Variants in RUNX1 observed in about 807,000 individuals in gnomAD.
The protein encoded by RUNX1 is RUNX family transcription factor 1, also known as runt-related transcription factor 1.
Under a neutral mutation model 42.8 loss-of-function variants are expected in RUNX1, and 19 were observed. The ratio of observed to expected loss-of-function variants is 0.44; its 90% CI spans 0.31 to 0.65. The LOEUF (loss-of-function observed/expected upper bound fraction) is 0.65. Ranked by LOEUF, RUNX1 falls within the 30% of genes least tolerant of loss-of-function variation. RUNX1 has a pLI of 0.07. For missense variants in RUNX1, 528 were observed against 672.0 expected, an observed-to-expected ratio of 0.79 and a Z score of 2.37; for synonymous variants, 271 against 289.4, an observed-to-expected ratio of 0.94 and a Z score of 0.64.
rs1201995651 is a variant in RUNX1 at position 34,846,194 on chromosome 21, C to CTTCTTTTTTTTTT, written c.614-11594_614-11593insAAAAAAAAAAGAA. On this transcript the variant is annotated intron_variant, in intron 6 of 8. Transcript: ENST00000675419. ...GAGTACTTTGTGGGTTTAAGGATGT[C>CTTCTTTTTTTTTT]TTTTTTTTTTTTTTTTTTTTTCAAA... 8.3e-3 allele frequency among the ~76,000 whole-genome samples: 848 copies of CTTCTTTTTTTTTT among 102,088 alleles called. 14 individuals carry two copies. The highest frequency in any genetic ancestry group is 0.013 in the Non-Finnish European group (677 of 50,344). The allele number at this position is 102,088 out of a possible 152,430, so 67.0% of individuals were successfully genotyped here.
At chr21:34,876,111 T>A (rs2057809424) in intron 5 of RUNX1, among the ~76,000 whole-genome samples, 1 of 152,222 alleles carries the variant, frequency 6.6e-6, no homozygotes, top group Non-Finnish European at 1.5e-5. Context: ...AACGCCATCC[T>A]GACAGGCCAC....
chr21:34,866,123 C>T (rs529262621), intron 5 of RUNX1, among the ~76,000 whole-genome samples: 8 of 152,236 alleles, frequency 5.3e-5, no homozygotes, highest in Admixed American at 2.6e-4. Context: ...GGGACAGTTT[C>T]AGGGGATGTG....
At chr21:34,876,563 G>A (rs773582972) in intron 5 of RUNX1, among the ~76,000 whole-genome samples, 1 of 151,972 alleles carries the variant, frequency 6.6e-6, no homozygotes, top group African/African-American at 2.4e-5. Flanking sequence ...AAGTGAACAC[G>A]TGCATTTTTT....
chr21:34,887,397 C>T (rs1336149900), intron 3 of RUNX1: 5 of 1,398,022 alleles, frequency 3.6e-6, no homozygotes, highest in African/African-American at 2.9e-5. Flanking sequence ...CTATCTTCCA[C>T]GAATCTTGCT....
rs558410967 is a variant in RUNX1 at position 34,792,626 on chromosome 21, G to A, written c.968-16C>T. 5.2e-4 allele frequency: 823 copies of A among 1,568,804 alleles called. No individual in the cohort carries two copies. The highest frequency in any genetic ancestry group is 6.7e-4 in the Non-Finnish European group (778 of 1,157,426). ...TCGGGTGCCGCTGCAGGGCGGGCAA[G>A]AGAACGGAGCGGAAGTGAGTAGGAG... On this transcript the variant is annotated splice_polypyrimidine_tract_variant and intron_variant, in intron 8 of 8. Coordinates refer to ENST00000675419, the MANE Select transcript of RUNX1 (RefSeq NM_001754.5). This position sits in a 1 kb window ranked among gnomAD's most constrained non-coding sequence, Gnocchi z 6.9.
intron 2 of RUNX1, among the ~76,000 whole-genome samples, chr21:35,008,903 G>A (rs573750365): frequency 6.6e-6 from 1 of 152,228 alleles, no homozygotes; most frequent in East Asian, 1.9e-4. Context: ...TGATCCAAAG[G>A]GAAGAAAGGT....
chr21:34,995,028 G>T (rs1042995721), intron 2 of RUNX1, among the ~76,000 whole-genome samples: 1 of 152,218 alleles, frequency 6.6e-6, no homozygotes. Flanking sequence ...AATCAGCCCC[G>T]CATGGACACC....
intron 2 of RUNX1, among the ~76,000 whole-genome samples, chr21:35,001,940 G>A (rs1199118037): frequency 6.6e-6 from 1 of 151,750 alleles, no homozygotes. Context: ...TAAACAAGGA[G>A]GCAAAAGACT....
chr21:34,997,915 A>G (rs2059009289), intron 2 of RUNX1, among the ~76,000 whole-genome samples: 1 of 152,188 alleles, frequency 6.6e-6, no homozygotes, highest in South Asian at 2.1e-4. Flanking sequence ...GCATGTGGAA[A>G]GAAGGTTCTG....
intron 4 of RUNX1, among the ~76,000 whole-genome samples, chr21:34,886,227 G>A (rs1161006151): frequency 6.6e-6 from 1 of 152,186 alleles, no homozygotes; most frequent in East Asian, 1.9e-4. Flanking sequence ...TTCGATACTT[G>A]CGGCTTCTGG....
At chr21:34,873,900 C>G (rs549774885) in intron 5 of RUNX1, among the ~76,000 whole-genome samples, 1 of 152,228 alleles carries the variant, frequency 6.6e-6, no homozygotes, top group Non-Finnish European at 1.5e-5. Flanking sequence ...TAAATACAGA[C>G]GTTGAAGTGC....
At chr21:34,978,042 A>G (rs2058816422) in intron 2 of RUNX1, among the ~76,000 whole-genome samples, 3 of 151,576 alleles carry the variant, frequency 2.0e-5, no homozygotes, top group South Asian at 4.2e-4. Context: ...TGCTTCAGCC[A>G]TTCTCCTGCC....
chr21:34,794,703 GTA>G (rs140322925), intron 8 of RUNX1, among the ~76,000 whole-genome samples: 159 of 152,272 alleles, frequency 1.0e-3, no homozygotes, highest in Non-Finnish European at 1.9e-3. Context: ...GAGGATTTGT[GTA>G]TTAGGCAGGG....
Position 34,917,699 on chromosome 21 carries a change from T to C in RUNX1, c.59-24736A>G, listed in dbSNP as rs1308081533. Among the ~76,000 whole-genome samples, 5 of 152,162 alleles carry C rather than the reference T, an allele frequency of 3.3e-5. No individual in the cohort carries two copies. The East Asian group carries it at 9.6e-4, about 29-fold the overall frequency. On this transcript the variant is annotated intron_variant, in intron 2 of 8. Transcript: ENST00000675419. ...GAAAGCCTGGAACGTTGAGCCCTCA[T>C]ACAAGCATTGAAATGAATGTGGGGC...
chr21:34,832,084 A>AG (rs11398849), intron 7 of RUNX1, among the ~76,000 whole-genome samples: 152,362 of 152,362 alleles, frequency 1, 76,181 homozygotes, highest in Non-Finnish European at 1. Context: ...CCAAGCCCGT[A>AG]GGAACTCTAA....
intron 2 of RUNX1, among the ~76,000 whole-genome samples, chr21:34,950,180 T>C (rs764696179): frequency 1.8e-4 from 27 of 152,264 alleles, no homozygotes; most frequent in Non-Finnish European, 4.4e-5. Context: ...ACAGGTCTTC[T>C]AGCTACAGTG....
chr21:34,962,485 G>A (rs531542928), intron 2 of RUNX1, among the ~76,000 whole-genome samples: 313 of 152,292 alleles, frequency 2.1e-3, no homozygotes, highest in African/African-American at 7.1e-3. Flanking sequence ...GTAAAGGAAC[G>A]ACTTATAAAA....
At chr21:34,989,151 G>A (rs1182975892) in intron 2 of RUNX1, among the ~76,000 whole-genome samples, 1 of 152,044 alleles carries the variant, frequency 6.6e-6, no homozygotes, top group African/African-American at 2.4e-5. Flanking sequence ...TGAGATTACA[G>A]GCGCCCGCCG....
At chr21:34,943,720 C>T (rs1174768582) in intron 2 of RUNX1, among the ~76,000 whole-genome samples, 2 of 152,080 alleles carry the variant, frequency 1.3e-5, no homozygotes, top group Non-Finnish European at 2.9e-5. Flanking sequence ...CTCTAAAGCA[C>T]TCAAGTAAAA....
Sources: gnomAD v4.1 joint callset for allele counts (sites outside exome capture counted in the v4.1 genomes callset) on GRCh38, gnomAD v4.1.1 for gene constraint, Gnocchi (gnomAD v3.1) non-coding constraint, MANE v1.5 for transcripts, NCBI Gene and HGNC (gene_info 2026-07-23, HGNC 2026-07-21) for gene names.